The following IQCK variants were observed in gnomAD, a reference collection of about 807,000 sequenced individuals.
IQCK encodes IQ motif containing K.
IQCK carries 29 observed loss-of-function variants against 28.1 expected under a neutral mutation model. That is an observed-to-expected ratio of 1.03 (90% CI 0.77 to 1.41). The LOEUF is 1.41. IQCK is among the 40% of genes most tolerant of loss of function. The pLI, the probability that IQCK is intolerant of heterozygous loss-of-function variation, is 0.00. For missense variants in IQCK, 359 were observed against 314.7 expected, an observed-to-expected ratio of 1.14 and a Z score of -1.07; for synonymous variants, 113 against 115.1, an observed-to-expected ratio of 0.98 and a Z score of 0.12.
chr16:19,746,714 G>T (rs2054917715), intron 4 of IQCK, among the ~76,000 whole-genome samples: 1 of 152,204 alleles, frequency 6.6e-6, no homozygotes, highest in African/African-American at 2.4e-5. Context: ...AAGAAAGTCA[G>T]CAGGCTCTGA....
intron 7 of IQCK, among the ~76,000 whole-genome samples, chr16:19,813,721 T>C (rs1472495838): frequency 2.0e-5 from 3 of 152,226 alleles, no homozygotes; most frequent in African/African-American, 4.8e-5. Flanking sequence ...AGCTGATAGA[T>C]CTAAATAGTT....
At chr16:19,812,460 A>T (rs1323930139) in intron 7 of IQCK, among the ~76,000 whole-genome samples, 3 of 152,244 alleles carry the variant, frequency 2.0e-5, no homozygotes, top group Non-Finnish European at 4.4e-5. Context: ...GTTAAAATAC[A>T]ATATGCCTAT....
At chr16:19,746,083 C>T (rs2054907075) in intron 4 of IQCK, among the ~76,000 whole-genome samples, 1 of 148,994 alleles carries the variant, frequency 6.7e-6, no homozygotes, top group Non-Finnish European at 1.5e-5. Context: ...GCATGAGAAT[C>T]ACTTGAACCC....
chr16:19,746,339 T>G (rs1276390837), intron 4 of IQCK, among the ~76,000 whole-genome samples: 1 of 152,144 alleles, frequency 6.6e-6, no homozygotes, highest in Non-Finnish European at 1.5e-5. Flanking sequence ...AACAATCCAA[T>G]TACATAGACT....
intron 6 of IQCK, among the ~76,000 whole-genome samples, chr16:19,765,130 G>T (rs1284363536): frequency 6.7e-6 from 1 of 148,410 alleles, no homozygotes; most frequent in Non-Finnish European, 1.5e-5. Context: ...GCTGAGGCAG[G>T]AGAATGGCGT....
chr16:19,753,738 A>G (rs913718244), intron 4 of IQCK, among the ~76,000 whole-genome samples: 1 of 152,022 alleles, frequency 6.6e-6, no homozygotes, highest in African/African-American at 2.4e-5. Context: ...GGTTTGATTC[A>G]GGAACTCTGT....
chr16:19,774,392 C>CA (rs2055360840), intron 6 of IQCK, among the ~76,000 whole-genome samples: 1 of 140,704 alleles, frequency 7.1e-6, no homozygotes, highest in Non-Finnish European at 1.5e-5. Flanking sequence ...ATTTATTTAG[C>CA]TAATACTTTT....
intron 1 of IQCK, among the ~76,000 whole-genome samples, chr16:19,725,849 G>A (rs747226616): frequency 2.0e-5 from 3 of 151,890 alleles, no homozygotes; most frequent in Non-Finnish European, 4.4e-5. Context: ...TGTCTTTTGT[G>A]ATCATGTGAT....
At chr16:19,858,217 TCTCA>T (rs1395051118) in exon 10 of IQCK, 1 of 342,750 alleles carries the variant, frequency 2.9e-6, no homozygotes, top group African/African-American at 2.1e-5. Context: ...TCCCTTCTCC[TCTCA>T]CTCCCGCCTC....
At chr16:19,858,264 C>T in exon 10 of IQCK, 1 of 399,228 alleles carries the variant, frequency 2.5e-6, no homozygotes, top group Non-Finnish European at 4.4e-6. Flanking sequence ...AGCCCACTCT[C>T]AACCTTAAAA....
chr16:19,768,015 CT>C (rs755206514), intron 6 of IQCK, among the ~76,000 whole-genome samples: 8,706 of 131,532 alleles, frequency 0.066, 658 homozygotes, highest in African/African-American at 0.2. Flanking sequence ...TTTTTTTTTG[CT>C]TTTTTTTTTT....
chr16:19,764,182 A>G (rs1012419904), intron 6 of IQCK, 70 bp downstream of exon 6: 1 of 1,286,278 alleles, frequency 7.8e-7, no homozygotes, highest in Non-Finnish European at 1.1e-6. Context: ...CTTTTCTTCC[A>G]TCTAAGAGAA....
chr16:19,857,535 CAA>C, exon 10 of IQCK: 1 of 397,710 alleles, frequency 2.5e-6, no homozygotes. Flanking sequence ...TATTATCTAT[CAA>C]AAGTGAGCCT....
At chr16:19,726,360 G>C (rs1401520916) in intron 1 of IQCK, among the ~76,000 whole-genome samples, 1 of 152,166 alleles carries the variant, frequency 6.6e-6, no homozygotes, top group Non-Finnish European at 1.5e-5. Context: ...AACAGGCAGT[G>C]TCACTATTGG....
At position 19,745,722 on chromosome 16, in the gene IQCK, C is replaced by T. The variant is rs893375466; in HGVS notation, c.474+10272C>T. Among the ~76,000 whole-genome samples, 5 of 152,102 alleles carry T rather than the reference C, an allele frequency of 3.3e-5. No homozygotes were observed. The East Asian group carries it at 5.8e-4, about 18-fold the overall frequency. ...TTTATTATTTTTCATGACTCTGGGC[C>T]GACTGGGCAGTTCTGGTGCTCTCTC... On this transcript the variant is annotated intron_variant, in intron 4 of 7. Transcript: ENST00000564186.
chr16:19,758,233 C>T (rs1400793855), intron 4 of IQCK, among the ~76,000 whole-genome samples: 1 of 152,188 alleles, frequency 6.6e-6, no homozygotes, highest in Admixed American at 6.5e-5. Flanking sequence ...GCTTTTCCTT[C>T]TCTCTTTCAG....
At chr16:19,760,747 T>C (rs549562923) in intron 4 of IQCK, among the ~76,000 whole-genome samples, 2 of 152,078 alleles carry the variant, frequency 1.3e-5, no homozygotes, top group South Asian at 4.1e-4. Context: ...AAGAAAAAAT[T>C]CAGGGCAAGT....
chr16:19,802,519 G>A (rs943631242), intron 7 of IQCK, among the ~76,000 whole-genome samples: 7 of 114,146 alleles, frequency 6.1e-5, no homozygotes, highest in African/African-American at 2.5e-4. Flanking sequence ...ACATGGCACA[G>A]TGCCAAGGAC....
chr16:19,767,796 C>G (rs1207826152), intron 6 of IQCK, among the ~76,000 whole-genome samples: 1 of 152,172 alleles, frequency 6.6e-6, no homozygotes, highest in South Asian at 2.1e-4. Context: ...AGCACTTCCC[C>G]TACCCCCTTC....
Sources: allele counts gnomAD v4.1 joint callset (sites outside exome capture counted in the v4.1 genomes callset), GRCh38; gene constraint gnomAD v4.1.1; transcripts MANE v1.5; gene names NCBI Gene and HGNC (gene_info 2026-07-23, HGNC 2026-07-21).